C16orf74: variants seen among roughly 807,000 people sequenced by gnomAD.
C16orf74 encodes uncharacterized protein C16orf74.
C16orf74 carries 10 observed loss-of-function variants against 6.5 expected under a neutral mutation model. The ratio of observed to expected loss-of-function variants is 1.54; its 90% CI spans 0.95 to 2.61. C16orf74 has a LOEUF of 2.61. Ranked by LOEUF, C16orf74 falls within the 30% of genes most tolerant of loss-of-function variation. The pLI is 0.00. For synonymous variants in C16orf74, 60 were observed against 42.5 expected (o/e 1.41, Z -1.60); for missense variants, 141 against 105.9 (o/e 1.33, Z -1.45).
chr16:85,710,567 C>T, intron 2 of C16orf74: 2 of 444,600 alleles, frequency 4.5e-6, no homozygotes, highest in Non-Finnish European at 7.9e-6. Context: ...TAGTTGGCCT[C>T]TGGGTCCAGT....
intron 1 of C16orf74, chr16:85,743,439 G>A (rs2054332350): frequency 1.3e-5 from 2 of 152,092 alleles, no homozygotes; most frequent in African/African-American, 4.8e-5. Context: ...TTTTATAAAT[G>A]AGGAGCTGGG....
intron 1 of C16orf74, among the ~76,000 whole-genome samples, chr16:85,735,484 C>T (rs1439735075): frequency 6.6e-6 from 1 of 152,190 alleles, no homozygotes; most frequent in African/African-American, 2.4e-5. Context: ...GCCAAGGCGG[C>T]GTCTGCAGCC....
intron 2 of C16orf74, among the ~76,000 whole-genome samples, chr16:85,716,797 C>A (rs2054029927): frequency 6.6e-6 from 1 of 152,008 alleles, no homozygotes; most frequent in African/African-American, 2.4e-5. Flanking sequence ...CAGAGGTGGC[C>A]AAACAGGAGG....
chr16:85,719,078 A>G (rs1003454087), intron 2 of C16orf74, among the ~76,000 whole-genome samples: 2 of 152,182 alleles, frequency 1.3e-5, no homozygotes, highest in African/African-American at 4.8e-5. Context: ...CTGCTGTGAC[A>G]CTGCCTCTCG....
At chr16:85,728,505 A>C (rs1420339284) in intron 2 of C16orf74, among the ~76,000 whole-genome samples, 1 of 152,172 alleles carries the variant, frequency 6.6e-6, no homozygotes, top group Non-Finnish European at 1.5e-5. Context: ...GAGTTAACCC[A>C]GGCTGGAGCT....
chr16:85,731,888 G>C (rs1338440299), intron 2 of C16orf74, among the ~76,000 whole-genome samples: 1 of 152,058 alleles, frequency 6.6e-6, no homozygotes, highest in African/African-American at 2.4e-5. Context: ...ATGGGGTTTT[G>C]CAATGTTGCC....
In C16orf74 at chr16:85,710,171, C is replaced by A; in HGVS notation, c.165G>T (p.Gly55=). Reference sequence around the variant, plus strand: ...TGGAGGGGACGGCCTCACCTGTGCTCCCCAAGTCCCTCGGCAGCATCATGC... The same window carrying A: ...TGGAGGGGACGGCCTCACCTGTGCTACCCAAGTCCCTCGGCAGCATCATGC... ...PTGMMLPRDL[G]STVWLDETGS... is the part of the protein sequence containing the mutation. The change falls in exon 3 of 4, where the codon GGG becomes GGT. Residue 55 remains glycine, a synonymous_variant. Transcript: ENST00000284245. 6.9e-7 allele frequency: 1 copy of A among 1,454,936 alleles called. No homozygotes were observed. The highest frequency in any genetic ancestry group is 2.9e-5 in the East Asian group (1 of 34,914). The allele number at this position is 1,454,936 out of a possible 1,614,324, so 90.1% of individuals were successfully genotyped here. A position where few individuals can be genotyped will look rare whatever the true frequency, so the allele number is the denominator to read the frequency against.
At chr16:85,716,828 A>G (rs979924985) in intron 2 of C16orf74, among the ~76,000 whole-genome samples, 5 of 152,138 alleles carry the variant, frequency 3.3e-5, no homozygotes, top group Admixed American at 6.5e-5. Flanking sequence ...AGGAGGATGA[A>G]GCCAATGCTG....
chr16:85,712,213 G>A (rs1187761684), intron 2 of C16orf74, among the ~76,000 whole-genome samples: 1 of 152,220 alleles, frequency 6.6e-6, no homozygotes, highest in Non-Finnish European at 1.5e-5. Context: ...CATCAGATGA[G>A]ACTGCAGCCC....
intron 2 of C16orf74, 172 bp from the exon 3 acceptor site, chr16:85,710,479 G>C (rs967322472): frequency 2.4e-5 from 13 of 548,852 alleles, no homozygotes; most frequent in Non-Finnish European, 3.7e-5. Context: ...GGCGTCTCAG[G>C]AATGAAAAAG....
intron 2 of C16orf74, among the ~76,000 whole-genome samples, chr16:85,723,259 C>CAA (rs5818553): frequency 1.8e-3 from 110 of 60,068 alleles, no homozygotes; most frequent in South Asian, 9.5e-3. Context: ...GACTCCATCT[C>CAA]AAAAAAAAAA....
At chr16:85,727,092 C>A (rs887063411) in intron 2 of C16orf74, among the ~76,000 whole-genome samples, 1 of 152,206 alleles carries the variant, frequency 6.6e-6, no homozygotes, top group African/African-American at 2.4e-5. Flanking sequence ...ATCCCTGTAG[C>A]CCCGGCACCT....
chr16:85,745,971 A>G (rs2054369183), intron 1 of C16orf74, among the ~76,000 whole-genome samples: 1 of 152,220 alleles, frequency 6.6e-6, no homozygotes, highest in Middle Eastern at 3.2e-3. Flanking sequence ...GTGGTCAGAG[A>G]GAGATGGCCA....
At chr16:85,750,390 G>C (rs1050077316) in intron 1 of C16orf74, among the ~76,000 whole-genome samples, 19 of 152,222 alleles carry the variant, frequency 1.2e-4, no homozygotes, top group African/African-American at 4.3e-4. Flanking sequence ...CCAGCCAGGA[G>C]AAGGAGCGCG....
intron 1 of C16orf74, among the ~76,000 whole-genome samples, chr16:85,738,123 T>C (rs2054264502): frequency 6.6e-6 from 1 of 151,954 alleles, no homozygotes; most frequent in Non-Finnish European, 1.5e-5. Flanking sequence ...CCTGTGCCTG[T>C]AGTCCCAGCT....
intron 2 of C16orf74, among the ~76,000 whole-genome samples, chr16:85,712,521 G>A (rs1235500121): frequency 6.6e-6 from 1 of 152,222 alleles, no homozygotes; most frequent in Non-Finnish European, 1.5e-5. Flanking sequence ...TCCTCTGAGA[G>A]GCAGGTTACA....
At chr16:85,746,297 T>G (rs546955395) in intron 1 of C16orf74, among the ~76,000 whole-genome samples, 40 of 152,118 alleles carry the variant, frequency 2.6e-4, no homozygotes, top group Non-Finnish European at 5.3e-4. Flanking sequence ...CTGCAGCTAG[T>G]GGAGATCGCG....
At chr16:85,750,279 G>C (rs1399945678) in intron 1 of C16orf74, among the ~76,000 whole-genome samples, 1 of 152,206 alleles carries the variant, frequency 6.6e-6, no homozygotes, top group African/African-American at 2.4e-5. Flanking sequence ...CGGTCTGAGA[G>C]AAGTCCCAGC....
chr16:85,746,276 G>C (rs2054372356), intron 1 of C16orf74, among the ~76,000 whole-genome samples: 2 of 152,304 alleles, frequency 1.3e-5, no homozygotes, highest in South Asian at 4.1e-4. Context: ...CTTGAACTTG[G>C]GAGACAGAGG....
Sources: allele counts gnomAD v4.1 joint callset (sites outside exome capture counted in the v4.1 genomes callset), GRCh38; gene constraint gnomAD v4.1.1; transcripts MANE v1.5; gene names NCBI Gene and HGNC (gene_info 2026-07-23, HGNC 2026-07-21).